The following TMEM45A variants were observed in gnomAD, a reference collection of about 807,000 sequenced individuals.
TMEM45A encodes the protein DNA polymerase-transactivated protein 4.
In TMEM45A, 25 loss-of-function variants were observed where a neutral mutation model predicts 32.0. The ratio of observed to expected loss-of-function variants is 0.78; its 90% CI spans 0.57 to 1.09. TMEM45A has a LOEUF of 1.09. Among genes scored for constraint, TMEM45A ranks in the 50% least tolerant of loss-of-function variants. The pLI is 0.00. For synonymous variants in TMEM45A, 122 were observed against 114.8 expected (o/e 1.06, Z -0.40); for missense variants, 302 against 325.0 (o/e 0.93, Z 0.54).
intron 4 of TMEM45A, among the ~76,000 whole-genome samples, chr3:100,564,371 T>C (rs980663430): frequency 1.3e-5 from 2 of 152,194 alleles, no homozygotes; most frequent in Non-Finnish European, 2.9e-5. Flanking sequence ...AGGCCTAATG[T>C]TGCCAGATAG....
chr3:100,543,033 T>C (rs1312407267), intron 1 of TMEM45A, among the ~76,000 whole-genome samples: 3 of 152,152 alleles, frequency 2.0e-5, no homozygotes, highest in Non-Finnish European at 4.4e-5. Flanking sequence ...CACTGAATCA[T>C]ATATCCACTA....
intron 1 of TMEM45A, among the ~76,000 whole-genome samples, chr3:100,535,337 T>A (rs918704428): frequency 6.6e-6 from 1 of 152,108 alleles, no homozygotes; most frequent in Non-Finnish European, 1.5e-5. Flanking sequence ...TGGTTTTGAA[T>A]GGCTGGGCCT....
chr3:100,540,346 C>T (rs919877761), intron 1 of TMEM45A, among the ~76,000 whole-genome samples: 1 of 151,938 alleles, frequency 6.6e-6, no homozygotes, highest in Non-Finnish European at 1.5e-5. Flanking sequence ...CTCTTGAAAC[C>T]CAATGACATG....
At chr3:100,506,634 G>A (rs12639465) in intron 1 of TMEM45A, among the ~76,000 whole-genome samples, 48,930 of 152,062 alleles carry the variant, frequency 0.32, 10,865 homozygotes, top group African/African-American at 0.63. Context: ...GAGTGTTTCA[G>A]AAAATATTTT....
chr3:100,496,948 T>A (rs1485647564), intron 1 of TMEM45A, among the ~76,000 whole-genome samples: 1 of 152,206 alleles, frequency 6.6e-6, no homozygotes, highest in African/African-American at 2.4e-5. Flanking sequence ...CTCTTTTTAT[T>A]TCTGGACATG....
chr3:100,519,491 G>C, intron 1 of TMEM45A: 1 of 1,448,408 alleles, frequency 6.9e-7, no homozygotes, highest in Admixed American at 2.1e-5. Context: ...AAGAAGCAAA[G>C]GCTCAATTTT....
intron 1 of TMEM45A, among the ~76,000 whole-genome samples, chr3:100,539,992 A>G (rs1705831856): frequency 6.6e-6 from 1 of 152,258 alleles, no homozygotes; most frequent in African/African-American, 2.4e-5. Context: ...TGTAAAATGC[A>G]AAAGTGTAAA....
chr3:100,515,295 G>A (rs2148941850), intron 1 of TMEM45A, among the ~76,000 whole-genome samples: 1 of 151,970 alleles, frequency 6.6e-6, no homozygotes, highest in South Asian at 2.1e-4. Flanking sequence ...ATACTATGCA[G>A]CCATAAAAAA....
At chr3:100,519,907 C>T (rs943124083) in intron 1 of TMEM45A, among the ~76,000 whole-genome samples, 1 of 152,118 alleles carries the variant, frequency 6.6e-6, no homozygotes, top group African/African-American at 2.4e-5. Context: ...TTTTCTTCCT[C>T]TGGGGCCTTC....
chr3:100,556,359 C>T lies in TMEM45A; in HGVS notation c.191-401C>T, dbSNP rs551208275. 1.8e-4 allele frequency among the ~76,000 whole-genome samples: 28 copies of T among 152,272 alleles called. No homozygotes were observed. In the South Asian group the frequency reaches 2.7e-3, roughly 15 times the overall value. ...TTTTTATCTGGTACCAAGCACAATC[C>T]CCTATTTTATGGCAGCTACCCAAAG... On this transcript the variant is annotated intron_variant, in intron 2 of 5. Transcript: ENST00000323523.
chr3:100,571,261 C>T (rs1204849439), intron 5 of TMEM45A: 2 of 152,086 alleles, frequency 1.3e-5, no homozygotes, highest in Admixed American at 1.3e-4. Flanking sequence ...AGCAGCCGTC[C>T]AATATACATT....
chr3:100,572,525 G>A lies in TMEM45A; in HGVS notation c.734+3558G>A, dbSNP rs1378961133. The A allele has an allele frequency of 2.4e-4, 36 of 151,208 alleles. 1 individual carries two copies. The highest frequency in any genetic ancestry group is 6.6e-5 in the Admixed American group (1 of 15,220). 9.4% of individuals were successfully genotyped at this position (151,208 alleles called of 1,614,324 possible). On this transcript the variant is annotated intron_variant, in intron 5 of 5. Transcript: ENST00000323523. ...GCCCTTTGTCAGATGAGTAGGTTGT[G>A]AAAATTTTCTCCCATTCTGTAGGTT...
intron 1 of TMEM45A, among the ~76,000 whole-genome samples, chr3:100,512,996 C>A (rs1201907329): frequency 2.0e-5 from 3 of 149,032 alleles, no homozygotes; most frequent in African/African-American, 7.4e-5. Flanking sequence ...GCTTACCAAC[C>A]AAAAAGAGTC....
intron 1 of TMEM45A, among the ~76,000 whole-genome samples, chr3:100,552,716 A>T (rs994626593): frequency 1.3e-5 from 2 of 152,218 alleles, no homozygotes; most frequent in African/African-American, 4.8e-5. Context: ...ACATCAGAGT[A>T]GAGATGTTTT....
At chr3:100,498,689 G>A (rs1707968647) in intron 1 of TMEM45A, among the ~76,000 whole-genome samples, 1 of 152,270 alleles carries the variant, frequency 6.6e-6, no homozygotes, top group African/African-American at 2.4e-5. Flanking sequence ...AAACATTGGT[G>A]TACAAATATC....
chr3:100,495,138 C>T, intron 1 of TMEM45A, among the ~76,000 whole-genome samples: 1 of 152,160 alleles, frequency 6.6e-6, no homozygotes, highest in East Asian at 1.9e-4. Flanking sequence ...TGACCACTTG[C>T]TAGCCAGCAT....
intron 1 of TMEM45A, among the ~76,000 whole-genome samples, chr3:100,510,321 G>A (rs1427318072): frequency 5.3e-5 from 8 of 152,142 alleles, no homozygotes; most frequent in African/African-American, 9.7e-5. Context: ...CCTGACCCCC[G>A]AGCAGCCTAA....
intron 1 of TMEM45A, among the ~76,000 whole-genome samples, chr3:100,531,421 A>T (rs1215002752): frequency 6.6e-6 from 1 of 152,232 alleles, no homozygotes; most frequent in African/African-American, 2.4e-5. Flanking sequence ...ATGATCATCT[A>T]TTGAAGTTAA....
At chr3:100,561,774 C>T (rs1256518498) in intron 4 of TMEM45A, among the ~76,000 whole-genome samples, 1 of 152,188 alleles carries the variant, frequency 6.6e-6, no homozygotes, top group African/African-American at 2.4e-5. Flanking sequence ...GAAGGTGCTC[C>T]TGCTGTCTTT....
Sources: gnomAD v4.1 joint callset for allele counts (sites outside exome capture counted in the v4.1 genomes callset) on GRCh38, gnomAD v4.1.1 for gene constraint, MANE v1.5 for transcripts, NCBI Gene and HGNC (gene_info 2026-07-23, HGNC 2026-07-21) for gene names.